SYT9: variants seen among roughly 807,000 people sequenced by gnomAD.
SYT9 encodes synaptotagmin-9.
In SYT9, 22 loss-of-function variants were observed where a neutral mutation model predicts 48.4. That is an observed-to-expected ratio of 0.45 (90% confidence interval 0.32 to 0.65). SYT9 has a LOEUF of 0.65. Among genes scored for constraint, SYT9 ranks in the 30% least tolerant of loss-of-function variants. SYT9 has a pLI of 0.03. For missense variants in SYT9, 577 were observed against 622.0 expected (o/e 0.93, Z 0.77); for synonymous variants, 265 against 245.0 (o/e 1.08, Z -0.76).
chr11:7,313,158 C>G (rs571129244), intron 2 of SYT9, among the ~76,000 whole-genome samples: 2 of 152,268 alleles, frequency 1.3e-5, no homozygotes. Flanking sequence ...GCTCTGAGGT[C>G]ACATGTTACT....
intron 6 of SYT9, among the ~76,000 whole-genome samples, chr11:7,424,083 T>C (rs1284454720): frequency 2.0e-5 from 3 of 151,998 alleles, no homozygotes; most frequent in South Asian, 4.2e-4. Context: ...TGCTGAGGAA[T>C]TGGTTAGGTC....
rs1338070254 is a variant in SYT9, at chr11:7,367,390, A to T, written c.1045-48652A>T. ...GCCACCGCGCCCGGCCTTCCAGGAG[A>T]CCATCTTTATAGCTGCTTTCATTTT... On this transcript the variant is annotated intron_variant, in intron 3 of 6. Transcript: ENST00000318881. Among the ~76,000 whole-genome samples the T allele has an allele frequency of 3.3e-5, 5 of 151,676 alleles. No homozygotes were observed. In the East Asian group the frequency reaches 9.7e-4, roughly 29 times the overall value.
At position 7,418,118 on chromosome 11, in the gene SYT9, G is replaced by A. The variant is rs1211110817; in HGVS notation, c.1327G>A (p.Asp443Asn). Residue 443 changes from aspartate to asparagine, a missense_variant, in exon 5 of 7, where the codon GAC (aspartate) becomes AAC (asparagine). Coordinates refer to ENST00000318881, the MANE Select transcript of SYT9 (RefSeq NM_175733.4). The stretch of plus-strand genomic sequence containing the variant: ...AATCCACTTGTCCATAGCAGTCATG[G>A]ACTATGACCGGTGAGATACCTGGAA... ...DQIHLSIAVM[D>N]YDRVGHNEII... 1 of 1,613,512 alleles carries A rather than the reference G, an allele frequency of 6.2e-7. No individual in the cohort carries two copies. The highest frequency in any genetic ancestry group is 1.3e-5 in the African/African-American group (1 of 74,982).
intron 6 of SYT9, among the ~76,000 whole-genome samples, chr11:7,458,709 T>C (rs370810082): frequency 9.2e-5 from 14 of 152,002 alleles, no homozygotes; most frequent in African/African-American, 3.4e-4. Flanking sequence ...CTTAAGGAGG[T>C]TCACACGAGG....
chr11:7,295,681 A>G (rs912760310), intron 1 of SYT9, among the ~76,000 whole-genome samples: 1 of 152,094 alleles, frequency 6.6e-6, no homozygotes, highest in African/African-American at 2.4e-5. Context: ...TATTTTAGGT[A>G]TTTATTTGTT....
At chr11:7,308,978 C>G (rs1258757165) in intron 2 of SYT9, among the ~76,000 whole-genome samples, 1 of 152,192 alleles carries the variant, frequency 6.6e-6, no homozygotes, top group Non-Finnish European at 1.5e-5. Flanking sequence ...CTTTCCTGAA[C>G]TATGGCTGCA....
chr11:7,434,652 G>A (rs532913244), intron 6 of SYT9, among the ~76,000 whole-genome samples: 5 of 152,170 alleles, frequency 3.3e-5, no homozygotes, highest in Non-Finnish European at 7.3e-5. Context: ...AGCCAGCGGA[G>A]CAGTTCTACC....
chr11:7,350,819 G>A (rs1191680058), intron 3 of SYT9, among the ~76,000 whole-genome samples: 1 of 152,194 alleles, frequency 6.6e-6, no homozygotes, highest in Non-Finnish European at 1.5e-5. Flanking sequence ...CTTGCATTTT[G>A]ACACTATCTA....
intron 1 of SYT9, 128 bp from the exon 2 acceptor site, chr11:7,302,911 C>T: frequency 1.2e-6 from 1 of 800,860 alleles, no homozygotes; most frequent in Non-Finnish European, 2.0e-6. Context: ...AGCCATGCGC[C>T]CCAGCATGGC....
intron 3 of SYT9, 141 bp downstream of exon 3, chr11:7,314,082 C>T: frequency 1.1e-6 from 1 of 941,144 alleles, no homozygotes; most frequent in Non-Finnish European, 1.6e-6. Flanking sequence ...CCTCCTTGTA[C>T]CTTTTCAGAA....
chr11:7,319,485 C>G (rs1589942353), intron 3 of SYT9, among the ~76,000 whole-genome samples: 1 of 152,016 alleles, frequency 6.6e-6, no homozygotes, highest in Non-Finnish European at 1.5e-5. Flanking sequence ...AGGAATAAAA[C>G]CGTAATTACC....
At position 7,288,982 on chromosome 11, in the gene SYT9, A is replaced by G. The variant is rs557877242; in HGVS notation, c.146-14057A>G. On this transcript the variant is annotated intron_variant, in intron 1 of 6. Transcript: ENST00000318881. ...CAATGCTGCTTGGACCCCTGGTGAT[A>G]CAGGATGCTGATGGATGCCCAGAAA... 1.4e-4 allele frequency among the ~76,000 whole-genome samples: 21 copies of G among 152,358 alleles called. 1 individual carries two copies. In the South Asian group the frequency reaches 4.1e-3, roughly 30 times the overall value.
chr11:7,306,216 G>T (rs1278382829), intron 2 of SYT9, among the ~76,000 whole-genome samples: 1 of 152,080 alleles, frequency 6.6e-6, no homozygotes, highest in African/African-American at 2.4e-5. Flanking sequence ...TACTCCAAAT[G>T]TATGAAAATC....
intron 6 of SYT9, among the ~76,000 whole-genome samples, chr11:7,423,211 T>C (rs991919666): frequency 6.6e-6 from 1 of 152,168 alleles, no homozygotes; most frequent in African/African-American, 2.4e-5. Flanking sequence ...CCTGTCTCTT[T>C]GAAGTACACG....
chr11:7,450,680 G>C (rs28385329), intron 6 of SYT9, among the ~76,000 whole-genome samples: 12,036 of 152,278 alleles, frequency 0.079, 732 homozygotes, highest in Non-Finnish European at 0.13. Context: ...CTCTCCACCT[G>C]TTAGGAAAGG....
chr11:7,286,370 T>C (rs1191446679), intron 1 of SYT9, among the ~76,000 whole-genome samples: 1 of 150,406 alleles, frequency 6.6e-6, no homozygotes, highest in African/African-American at 2.5e-5. Context: ...GCAGCTGAGA[T>C]GCAGGGCACC....
chr11:7,248,172 G>T (rs1488538156), upstream of SYT9, among the ~76,000 whole-genome samples: 2 of 151,806 alleles, frequency 1.3e-5, no homozygotes, highest in African/African-American at 4.8e-5. Context: ...TGATGGGATT[G>T]TTTGTTTTTT....
intron 3 of SYT9, among the ~76,000 whole-genome samples, chr11:7,365,175 G>C (rs552385209): frequency 1.8e-4 from 28 of 151,798 alleles, no homozygotes; most frequent in African/African-American, 6.0e-4. Context: ...TTGTCTTCAT[G>C]ATTGTGGAAA....
At chr11:7,367,863 T>G (rs1052612938) in intron 3 of SYT9, among the ~76,000 whole-genome samples, 7 of 152,218 alleles carry the variant, frequency 4.6e-5, no homozygotes. Context: ...AACAACAACA[T>G]TAAGAACTAA....
Sources: allele counts gnomAD v4.1 joint callset (sites outside exome capture counted in the v4.1 genomes callset), GRCh38; gene constraint gnomAD v4.1.1; transcripts MANE v1.5; gene names NCBI Gene and HGNC (gene_info 2026-07-23, HGNC 2026-07-21).